The following MAD1L1 variants were observed in gnomAD, a reference collection of about 807,000 sequenced individuals.
MAD1L1 encodes mitotic spindle assembly checkpoint protein MAD1.
In MAD1L1, 95 loss-of-function variants were observed where a neutral mutation model predicts 96.9. That is an observed-to-expected ratio of 0.98 (90% CI 0.83 to 1.16). The LOEUF is 1.16. Ranked by LOEUF, MAD1L1 falls within the 50% of genes most tolerant of loss-of-function variation. The pLI is 0.00. For synonymous variants in MAD1L1, 473 were observed against 396.6 expected (o/e 1.19, Z -2.29); for missense variants, 1,007 against 954.4 (o/e 1.06, Z -0.73).
chr7:2,168,816 C>T lies in MAD1L1; in HGVS notation c.987-19578G>A, dbSNP rs887573091. ...TGGAGCAGGGGGCAGACACACGGGG[C>T]GTGGGGCCCAGAGGCCACCGGGAGG... On this transcript the variant is annotated intron_variant, in intron 10 of 18. Transcript: ENST00000265854. 2.0e-5 allele frequency among the ~76,000 whole-genome samples: 3 copies of T among 152,158 alleles called. No individual in the cohort carries two copies. In the East Asian group the frequency reaches 5.8e-4, roughly 29 times the overall value.
chr7:1,956,800 C>G (rs1032357051), intron 16 of MAD1L1, among the ~76,000 whole-genome samples: 2 of 152,266 alleles, frequency 1.3e-5, no homozygotes, highest in Non-Finnish European at 2.9e-5. Flanking sequence ...ACCGCACTCA[C>G]CCACACCCCT....
At chr7:2,214,253 C>A (rs1044109685) in intron 9 of MAD1L1, among the ~76,000 whole-genome samples, 1 of 152,164 alleles carries the variant, frequency 6.6e-6, no homozygotes, top group Admixed American at 6.5e-5. Context: ...CTTGAGAGCC[C>A]CAACTCTTCA....
chr7:1,822,703 C>T lies in MAD1L1; in HGVS notation c.1999-6475G>A, dbSNP rs985261315. 2.7e-5 allele frequency among the ~76,000 whole-genome samples: 4 copies of T among 149,506 alleles called. No homozygotes were observed. In the South Asian group the frequency reaches 6.4e-4, roughly 24 times the overall value. On this transcript the variant is annotated intron_variant, in intron 18 of 18. Transcript: ENST00000265854. The stretch of plus-strand genomic sequence containing the variant: ...CTTCCCCAAGTGTTGGGATTACAGG[C>T]GTGAGCCACCATGCCCGGCCAGCAT...
chr7:1,836,833 C>T (rs1782959274), intron 18 of MAD1L1, among the ~76,000 whole-genome samples: 1 of 151,678 alleles, frequency 6.6e-6, no homozygotes, highest in Non-Finnish European at 1.5e-5. Flanking sequence ...ATCATGAACA[C>T]AAATGTAAAA....
At chr7:2,109,242 C>CG (rs1787253129) in intron 11 of MAD1L1, among the ~76,000 whole-genome samples, 1 of 152,220 alleles carries the variant, frequency 6.6e-6, no homozygotes, top group African/African-American at 2.4e-5. Flanking sequence ...GCAACTTCCC[C>CG]GGGCCTCGGC....
At chr7:1,844,293 C>G (rs1354589871) in intron 18 of MAD1L1, 1 of 154,082 alleles carries the variant, frequency 6.5e-6, no homozygotes, top group Admixed American at 6.5e-5. Context: ...CTGCCAAAAC[C>G]TCATGCTTGA....
rs531548326 is a variant in MAD1L1 at position 2,055,872 on chromosome 7, G to A, written c.1218+13322C>T. The stretch of plus-strand genomic sequence containing the variant: ...CAGGCGCCTGTAATCCCAGCTACTC[G>A]GGAGGCTGAGGCTGGAGAATCGCTT... On this transcript the variant is annotated intron_variant, in intron 12 of 18. Coordinates refer to ENST00000265854, the MANE Select transcript of MAD1L1 (RefSeq NM_001013836.2). 5.9e-5 allele frequency among the ~76,000 whole-genome samples: 9 copies of A among 152,214 alleles called. 1 individual carries two copies. Among genetic ancestry groups the A allele is most frequent in the Admixed American group, 5.2e-4 (8 of 15,286 alleles).
intron 11 of MAD1L1, among the ~76,000 whole-genome samples, chr7:2,111,964 C>A (rs1043819662): frequency 6.6e-6 from 1 of 152,230 alleles, no homozygotes; most frequent in Non-Finnish European, 1.5e-5. Context: ...ACATTTCCAG[C>A]AGCTTTACTC....
intron 12 of MAD1L1, among the ~76,000 whole-genome samples, chr7:2,039,897 G>A (rs1783602135): frequency 1.3e-5 from 2 of 151,830 alleles, no homozygotes; most frequent in Admixed American, 1.3e-4. Flanking sequence ...CCAAGCAGAA[G>A]GAACGAAATA....
chr7:2,078,302 C>T (rs1212739253), intron 11 of MAD1L1, among the ~76,000 whole-genome samples: 1 of 152,228 alleles, frequency 6.6e-6, no homozygotes, highest in African/African-American at 2.4e-5. Context: ...GCTCTGAGCG[C>T]TCCATCCACC....
chr7:2,106,745 G>T (rs1414409797), intron 11 of MAD1L1, among the ~76,000 whole-genome samples: 1 of 152,240 alleles, frequency 6.6e-6, no homozygotes, highest in Non-Finnish European at 1.5e-5. Flanking sequence ...AGAGAGGAAA[G>T]TCACCATTCA....
At chr7:2,019,792 C>T (rs1157225193) in intron 12 of MAD1L1, among the ~76,000 whole-genome samples, 1 of 152,240 alleles carries the variant, frequency 6.6e-6, no homozygotes, top group Admixed American at 6.5e-5. Flanking sequence ...CTGTGCTCGG[C>T]CCACGCCTGC....
chr7:1,907,058 A>C (rs1232013845), intron 17 of MAD1L1, among the ~76,000 whole-genome samples: 1 of 152,068 alleles, frequency 6.6e-6, no homozygotes. Flanking sequence ...GCTGTGGCTA[A>C]CAGGGTCACT....
At chr7:1,890,149 G>A (rs1416569693) in intron 18 of MAD1L1, among the ~76,000 whole-genome samples, 2 of 152,254 alleles carry the variant, frequency 1.3e-5, no homozygotes, top group East Asian at 1.9e-4. Context: ...GTGTGGGTAT[G>A]GTGGGCTCGG....
At position 2,075,110 on chromosome 7, in the gene MAD1L1, G is replaced by T. The variant is rs983317965; in HGVS notation, c.1074-5772C>A. 3.3e-5 allele frequency among the ~76,000 whole-genome samples: 5 copies of T among 152,300 alleles called. No individual in the cohort carries two copies. The Middle Eastern group carries it at 0.01, about 311-fold the overall frequency. On this transcript the variant is annotated intron_variant, in intron 11 of 18. Transcript: ENST00000265854. ...TGTGTCCATGAGGTGCCGGCGTCTC[G>T]AGAGGAGGGGAAGGTCCAGCAGAGG...
At chr7:2,043,367 A>G (rs1302772305) in intron 12 of MAD1L1, among the ~76,000 whole-genome samples, 1 of 152,212 alleles carries the variant, frequency 6.6e-6, no homozygotes, top group Non-Finnish European at 1.5e-5. Flanking sequence ...CAGCATTAGC[A>G]TGTAAATAGC....
At chr7:1,879,216 G>A (rs1034563986) in intron 18 of MAD1L1, among the ~76,000 whole-genome samples, 1 of 152,172 alleles carries the variant, frequency 6.6e-6, no homozygotes, top group Non-Finnish European at 1.5e-5. Flanking sequence ...GCTCATGCCT[G>A]TATTACAGGC....
At chr7:2,168,964 GCT>G (rs1445362577) in intron 10 of MAD1L1, among the ~76,000 whole-genome samples, 38 of 152,394 alleles carry the variant, frequency 2.5e-4, no homozygotes, top group African/African-American at 7.0e-4. Flanking sequence ...TTGCTGATGG[GCT>G]CTTACGTGGG....
At position 1,903,868 on chromosome 7, in the gene MAD1L1, G is replaced by A. The variant is rs1247294816; in HGVS notation, c.1808-5478C>T. ...AAGCACTGTTCCAGGCAGCGAGGAC[G>A]CAGTGGCCTATGGAAGATGCTCTTG... On this transcript the variant is annotated intron_variant, in intron 17 of 18. Coordinates refer to ENST00000265854, the MANE Select transcript of MAD1L1 (RefSeq NM_001013836.2). 1.7e-4 allele frequency among the ~76,000 whole-genome samples: 23 copies of A among 136,794 alleles called. 3 individuals are homozygous for A. Among genetic ancestry groups the A allele is most frequent in the Non-Finnish European group, 2.2e-4 (14 of 63,606 alleles). The allele number at this position is 136,794 out of a possible 152,430, so 89.7% of individuals were successfully genotyped here.
Sources: gnomAD v4.1 joint callset for allele counts (sites outside exome capture counted in the v4.1 genomes callset) on GRCh38, gnomAD v4.1.1 for gene constraint, MANE v1.5 for transcripts, NCBI Gene and HGNC (gene_info 2026-07-23, HGNC 2026-07-21) for gene names.